The following SAMD3 variants were observed in gnomAD, a reference collection of about 807,000 sequenced individuals.
SAMD3 encodes the protein sterile alpha motif domain containing 3.
In SAMD3, 63 loss-of-function variants were observed where a neutral mutation model predicts 58.5. That is an observed-to-expected ratio of 1.08 (90% confidence interval 0.88 to 1.33). The LOEUF (loss-of-function observed/expected upper bound fraction) is 1.33. Among genes scored for constraint, SAMD3 ranks in the 40% most tolerant of loss-of-function variants. The pLI, the probability that SAMD3 is intolerant of heterozygous loss-of-function variation, is 0.00. For missense variants in SAMD3, 604 were observed against 608.4 expected, an observed-to-expected ratio of 0.99 and a Z score of 0.08; for synonymous variants, 220 against 210.3, an observed-to-expected ratio of 1.05 and a Z score of -0.40.
chr6:130,321,075 G>A (rs1776569063), intron 1 of SAMD3, among the ~76,000 whole-genome samples: 1 of 152,172 alleles, frequency 6.6e-6, no homozygotes, highest in Non-Finnish European at 1.5e-5. Context: ...GTATTTACTA[G>A]GTGAGTGTGG....
rs199770441 is a variant in SAMD3, at chr6:130,146,150, G to C, written c.1055C>G (p.Thr352Arg). ...MFREFQLLTRTDIYKKTRHIL... is the reference protein window; with the variant it reads ...MFREFQLLTRRDIYKKTRHIL... ...GTGCCTTGTTTTCTTATAAATATCTGTTCTTGTAAGAAGTTGGAATTCTCT... is the reference window on the plus strand; with the variant it reads ...GTGCCTTGTTTTCTTATAAATATCTCTTCTTGTAAGAAGTTGGAATTCTCT... The change falls in exon 10 of 12, where the codon ACA (threonine) becomes AGA (arginine). Residue 352 changes from threonine (T) to arginine (R), a missense_variant. Coordinates refer to ENST00000439090, the MANE Select transcript of SAMD3 (RefSeq NM_001017373.4). The C allele has an allele frequency of 1.7e-5, 27 of 1,590,174 alleles. No homozygotes were observed. In the South Asian group the frequency reaches 3.1e-4, roughly 18 times the overall value.
chr6:130,225,841 C>G (rs1211053055), upstream of SAMD3, among the ~76,000 whole-genome samples: 2 of 152,206 alleles, frequency 1.3e-5, no homozygotes, highest in Non-Finnish European at 2.9e-5. Context: ...CATTTGGAAG[C>G]TTGAAAAATG....
intron 8 of SAMD3, among the ~76,000 whole-genome samples, chr6:130,174,200 G>A (rs1476612501): frequency 6.6e-6 from 1 of 152,174 alleles, no homozygotes; most frequent in Admixed American, 6.5e-5. Context: ...CTGTCTCACT[G>A]GGGTTCAGGC....
At chr6:130,292,270 TC>T (rs67723301) in intron 2 of SAMD3, among the ~76,000 whole-genome samples, 15,867 of 139,552 alleles carry the variant, frequency 0.11, 1,152 homozygotes, top group Non-Finnish European at 0.13. Context: ...TTTCTTTCTT[TC>T]TTTTTTTTTT....
At chr6:130,308,725 C>T (rs998571549) in intron 2 of SAMD3, among the ~76,000 whole-genome samples, 2 of 152,014 alleles carry the variant, frequency 1.3e-5, no homozygotes, top group African/African-American at 4.8e-5. Flanking sequence ...GATGCTGAAA[C>T]ACTTCTTAGA....
chr6:130,301,435 C>T (rs180717191), intron 2 of SAMD3, among the ~76,000 whole-genome samples: 52 of 152,140 alleles, frequency 3.4e-4, no homozygotes, highest in African/African-American at 1.2e-3. Context: ...TCACCGATGG[C>T]GCAAACAAAT....
intron 1 of SAMD3, among the ~76,000 whole-genome samples, chr6:130,353,454 A>G (rs1401536638): frequency 3.3e-5 from 5 of 152,208 alleles, no homozygotes; most frequent in African/African-American, 1.2e-4. Flanking sequence ...ATGGGTTTCC[A>G]AAAATAAAAT....
intron 1 of SAMD3, among the ~76,000 whole-genome samples, chr6:130,351,876 G>T (rs6909428): frequency 0.47 from 71,624 of 151,764 alleles, 20,342 homozygotes; most frequent in African/African-American, 0.8. Context: ...TGGAATACTA[G>T]GCAGCCATAA....
chr6:130,241,336 C>T (rs1773352657), intron 2 of SAMD3, among the ~76,000 whole-genome samples: 1 of 151,630 alleles, frequency 6.6e-6, no homozygotes, highest in Admixed American at 6.6e-5. Flanking sequence ...CTGCTTCAGC[C>T]TCCCAAGGAG....
chr6:130,323,461 A>G (rs918512550), intron 1 of SAMD3, among the ~76,000 whole-genome samples: 1 of 146,058 alleles, frequency 6.8e-6, no homozygotes, highest in Non-Finnish European at 1.5e-5. Context: ...TTTTTTTTGT[A>G]TGATGAGTGC....
intron 2 of SAMD3, among the ~76,000 whole-genome samples, chr6:130,278,032 A>C (rs1449370468): frequency 6.6e-6 from 1 of 152,190 alleles, no homozygotes; most frequent in East Asian, 1.9e-4. Flanking sequence ...TGGAAGCTAC[A>C]AGATTCCAAA....
intron 5 of SAMD3, among the ~76,000 whole-genome samples, chr6:130,189,408 C>T (rs1046102656): frequency 5.3e-5 from 8 of 152,120 alleles, no homozygotes; most frequent in African/African-American, 1.9e-4. Context: ...AGGCTTACGG[C>T]CTCTAGAACC....
chr6:130,316,987 G>T (rs1453738827), intron 1 of SAMD3, among the ~76,000 whole-genome samples: 1 of 152,190 alleles, frequency 6.6e-6, no homozygotes, highest in Non-Finnish European at 1.5e-5. Flanking sequence ...TGTACAGCCA[G>T]GAGGTGACAG....
chr6:130,298,401 A>G (rs1432562036), intron 2 of SAMD3, among the ~76,000 whole-genome samples: 1 of 152,186 alleles, frequency 6.6e-6, no homozygotes, highest in Non-Finnish European at 1.5e-5. Context: ...ATGGAAACAA[A>G]AGAATGACGC....
At position 130,234,474 on chromosome 6, in the gene SAMD3, A is replaced by T. The variant is rs182894998; in HGVS notation, c.-187-11661T>A. ...ATATGATACATTTTGACACACACAT[A>T]TATATCCATGAATATATGGCTATCT... On this transcript the variant is annotated intron_variant, in intron 2 of 13. Coordinates refer to the SAMD3 transcript ENST00000368134. 3.9e-3 allele frequency among the ~76,000 whole-genome samples: 596 copies of T among 152,350 alleles called. 7 individuals are homozygous for T. Among genetic ancestry groups the T allele is most frequent in the South Asian group, 0.01 (50 of 4,830 alleles).
chr6:130,322,637 C>G (rs1459933196), intron 1 of SAMD3, among the ~76,000 whole-genome samples: 2 of 152,066 alleles, frequency 1.3e-5, no homozygotes, highest in Non-Finnish European at 2.9e-5. Flanking sequence ...GAGACTGTCT[C>G]AAAAAACCAA....
intron 1 of SAMD3, among the ~76,000 whole-genome samples, chr6:130,346,382 G>A (rs538770879): frequency 5.3e-5 from 8 of 152,314 alleles, no homozygotes; most frequent in South Asian, 2.1e-4. Context: ...CTAATACTGC[G>A]CTTTTCCAGT....
At chr6:130,177,661 C>T (rs770990327) in intron 7 of SAMD3, among the ~76,000 whole-genome samples, 2 of 152,188 alleles carry the variant, frequency 1.3e-5, no homozygotes, top group African/African-American at 2.4e-5. Context: ...AATCTACCCT[C>T]ATCTATGTGA....
chr6:130,180,267 C>T (rs1354392429), intron 7 of SAMD3, among the ~76,000 whole-genome samples: 2 of 148,064 alleles, frequency 1.4e-5, no homozygotes, highest in Admixed American at 6.8e-5. Context: ...ACTACAGGCT[C>T]ATGCCACCAT....
Sources: gnomAD v4.1 joint callset for allele counts (sites outside exome capture counted in the v4.1 genomes callset) on GRCh38, gnomAD v4.1.1 for gene constraint, MANE v1.5 for transcripts, NCBI Gene and HGNC (gene_info 2026-07-23, HGNC 2026-07-21) for gene names.